The following RANBP2 variants were observed in gnomAD, a reference collection of about 807,000 sequenced individuals.
RANBP2 encodes E3 SUMO-protein ligase RanBP2.
Under a neutral mutation model 303.6 loss-of-function variants are expected in RANBP2, and 57 were observed. The ratio of observed to expected loss-of-function variants is 0.19; its 90% CI spans 0.15 to 0.23. The LOEUF (loss-of-function observed/expected upper bound fraction) is 0.23. Among genes scored for constraint, RANBP2 ranks in the 10% least tolerant of loss-of-function variants. The probability of loss-of-function intolerance (pLI) is 1.00; values close to 1 mark genes in which losing one functional copy is unlikely to be tolerated. For missense variants in RANBP2, 3,138 were observed against 3,780.8 expected (o/e 0.83, Z 4.46); for synonymous variants, 1,167 against 1,301.5 (o/e 0.90, Z 2.23).
At chr2:109,604,161 C>CAAA in the RANBP2 span, among the ~76,000 whole-genome samples, 3,169 of 58,562 alleles carry the variant, frequency 0.054, 169 homozygotes, top group African/African-American at 0.13. Flanking sequence ...GACTCTGCCT[C>CAAA]AAAAAAAAAA....
the RANBP2 span, among the ~76,000 whole-genome samples, chr2:109,134,419 A>G: frequency 1.3e-5 from 2 of 152,250 alleles, no homozygotes; most frequent in African/African-American, 4.8e-5. Context: ...AGTTACAGCA[A>G]AGTCCTGTTC....
the RANBP2 span, among the ~76,000 whole-genome samples, chr2:109,015,118 C>CAAAAAA: frequency 2.5e-3 from 171 of 68,806 alleles, 5 homozygotes; most frequent in African/African-American, 2.9e-3. Flanking sequence ...GACTCCATCT[C>CAAAAAA]AAAAAAAAAA....
At chr2:109,148,132 T>A in the RANBP2 span, among the ~76,000 whole-genome samples, 3 of 152,222 alleles carry the variant, frequency 2.0e-5, no homozygotes, top group African/African-American at 7.2e-5. Context: ...GTGTGGCCTT[T>A]TGGTCTCATG....
chr2:109,097,101 C>T, the RANBP2 span, among the ~76,000 whole-genome samples: 1 of 152,102 alleles, frequency 6.6e-6, no homozygotes, highest in South Asian at 2.1e-4. Context: ...GTCAAGAGAT[C>T]GAGACCATCC....
At chr2:109,583,851 C>G in the RANBP2 span, among the ~76,000 whole-genome samples, 1 of 152,160 alleles carries the variant, frequency 6.6e-6, no homozygotes, top group Non-Finnish European at 1.5e-5. Flanking sequence ...ATGGATGAAG[C>G]TGGAGGCCGT....
the RANBP2 span, among the ~76,000 whole-genome samples, chr2:109,660,364 GT>G: frequency 6.6e-6 from 1 of 152,170 alleles, no homozygotes; most frequent in African/African-American, 2.4e-5. Context: ...AGAAAACTCT[GT>G]AACCAGTTCT....
At chr2:109,266,431 T>C in the RANBP2 span, among the ~76,000 whole-genome samples, 2 of 151,898 alleles carry the variant, frequency 1.3e-5, no homozygotes, top group Non-Finnish European at 2.9e-5. Context: ...CAGGAACAAG[T>C]CTGAGGACTT....
the RANBP2 span, among the ~76,000 whole-genome samples, chr2:109,571,361 T>C: frequency 6.6e-6 from 1 of 152,178 alleles, no homozygotes; most frequent in African/African-American, 2.4e-5. Context: ...CATCACAGAG[T>C]ATACTCACAC....
At chr2:109,642,122 T>C in the RANBP2 span, among the ~76,000 whole-genome samples, 1 of 152,064 alleles carries the variant, frequency 6.6e-6, no homozygotes, top group Non-Finnish European at 1.5e-5. Context: ...GAGACAGGGT[T>C]TCACCATGTT....
At chr2:109,426,829 A>T in the RANBP2 span, among the ~76,000 whole-genome samples, 1 of 152,176 alleles carries the variant, frequency 6.6e-6, no homozygotes, top group Non-Finnish European at 1.5e-5. Flanking sequence ...AGAAGTTGCC[A>T]CAGCCACCCC....
chr2:109,287,590 C>G, the RANBP2 span, among the ~76,000 whole-genome samples: 1 of 152,196 alleles, frequency 6.6e-6, no homozygotes, highest in Non-Finnish European at 1.5e-5. Flanking sequence ...ATCATCTGCA[C>G]TATATACCCA....
chr2:109,355,951 C>T, the RANBP2 span, among the ~76,000 whole-genome samples: 19,785 of 152,112 alleles, frequency 0.13, 1,434 homozygotes, highest in Middle Eastern at 0.24. Context: ...TGAAAAGTTG[C>T]CATTGTTTCC....
At chr2:109,553,982 G>A in the RANBP2 span, among the ~76,000 whole-genome samples, 1 of 152,110 alleles carries the variant, frequency 6.6e-6, no homozygotes, top group Admixed American at 6.5e-5. Flanking sequence ...TTACCATAGG[G>A]TAATTGATAT....
At chr2:109,277,504 C>T in the RANBP2 span, among the ~76,000 whole-genome samples, 1 of 152,198 alleles carries the variant, frequency 6.6e-6, no homozygotes, top group Non-Finnish European at 1.5e-5. Context: ...GCTGCATCTC[C>T]GAGCAGTCCG....
the RANBP2 span, among the ~76,000 whole-genome samples, chr2:108,980,577 C>T: frequency 6.6e-6 from 1 of 152,006 alleles, no homozygotes; most frequent in Non-Finnish European, 1.5e-5. Context: ...GTTGAGTGGA[C>T]ACTGTTATGG....
the RANBP2 span, among the ~76,000 whole-genome samples, chr2:109,694,878 CA>C: frequency 6.6e-6 from 1 of 150,506 alleles, no homozygotes; most frequent in Non-Finnish European, 1.5e-5. Context: ...ATTATTTCTT[CA>C]AAGACTTTTC....
the RANBP2 span, among the ~76,000 whole-genome samples, chr2:109,716,515 G>T: frequency 6.6e-6 from 1 of 151,864 alleles, no homozygotes; most frequent in Non-Finnish European, 1.5e-5. Flanking sequence ...CTCCCAAAGT[G>T]CTGGGATTAC....
chr2:109,496,020 A>G, the RANBP2 span, among the ~76,000 whole-genome samples: 1 of 152,180 alleles, frequency 6.6e-6, no homozygotes, highest in South Asian at 2.1e-4. Flanking sequence ...GTGAAGAGCA[A>G]AGGACAAAGC....
At position 108,782,227 on chromosome 2, in the gene RANBP2, G is replaced by A. The variant is rs1198824737; in HGVS notation, c.8860G>A (p.Gly2954Ser). 3 of 1,614,124 alleles carry A rather than the reference G, an allele frequency of 1.9e-6. No homozygotes were observed. Among genetic ancestry groups the A allele is most frequent in the Non-Finnish European group, 2.5e-6 (3 of 1,180,010 alleles). Residue 2954 changes from glycine to serine, a missense_variant, in exon 27 of 29, where the codon GGT becomes AGT. Physicochemically the swap from Gly to Ser is moderately conservative, Grantham distance 56. Coordinates refer to ENST00000283195, the MANE Select transcript of RANBP2 (RefSeq NM_006267.5). Reference protein sequence around the residue: ...DRDVSQWKERGVGDIKILWHT... With the variant: ...DRDVSQWKERSVGDIKILWHT... The stretch of plus-strand genomic sequence containing the variant: ...GGATGTCAGTCAGTGGAAGGAGCGC[G>A]GTGTTGGAGATATAAAGATTCTTTG...
Sources: allele counts gnomAD v4.1 joint callset (sites outside exome capture counted in the v4.1 genomes callset), GRCh38; gene constraint gnomAD v4.1.1; transcripts MANE v1.5; gene names NCBI Gene and HGNC (gene_info 2026-07-23, HGNC 2026-07-21).